The following IFT88 variants were observed in gnomAD, a reference collection of about 807,000 sequenced individuals.
The protein encoded by IFT88 is intraflagellar transport protein 88 homolog.
In IFT88, 74 loss-of-function variants were observed where a neutral mutation model predicts 119.5. The observed-to-expected ratio is 0.62, with a 90% CI of 0.51 to 0.75. The LOEUF is 0.75. IFT88 is among the 30% of genes least tolerant of loss of function. IFT88 has a pLI of 0.00. For synonymous variants in IFT88, 279 were observed against 316.7 expected, an observed-to-expected ratio of 0.88 and a Z score of 1.26; for missense variants, 961 against 977.7, an observed-to-expected ratio of 0.98 and a Z score of 0.23.
chr13:20,631,807 T>C (rs1290080023), intron 16 of IFT88: 1 of 152,096 alleles, frequency 6.6e-6, no homozygotes, highest in East Asian at 1.9e-4. Flanking sequence ...GTCATTTCTT[T>C]TCACCAGAAA....
At chr13:20,639,786 CTTT>C (rs34190452) in intron 17 of IFT88, among the ~76,000 whole-genome samples, 1,107 of 109,370 alleles carry the variant, frequency 0.01, 10 homozygotes, top group African/African-American at 0.035. Context: ...TAAAATTTGT[CTTT>C]TTTTTTTTTT....
intron 19 of IFT88, among the ~76,000 whole-genome samples, chr13:20,643,911 G>A (rs546728812): frequency 2.2e-4 from 34 of 152,068 alleles, no homozygotes; most frequent in African/African-American, 5.8e-4. Context: ...CTGCCACCAC[G>A]TGCAGCTAAT....
At chr13:20,623,229 T>C (rs1350783682) in intron 14 of IFT88, among the ~76,000 whole-genome samples, 1 of 152,226 alleles carries the variant, frequency 6.6e-6, no homozygotes, top group Non-Finnish European at 1.5e-5. Context: ...TGTAATTACT[T>C]TGAAATCAGA....
At chr13:20,678,049 G>T (rs538324994) in intron 24 of IFT88, among the ~76,000 whole-genome samples, 4 of 152,290 alleles carry the variant, frequency 2.6e-5, no homozygotes, top group Admixed American at 6.5e-5. Flanking sequence ...ACTACAGAGG[G>T]CCATTAGATT....
chr13:20,607,726 G>T, intron 13 of IFT88: 2 of 758,834 alleles, frequency 2.6e-6, no homozygotes, highest in South Asian at 1.4e-5. Flanking sequence ...CCTGCTTCTG[G>T]CTGTCAGCGG....
At chr13:20,576,957 T>C (rs1357773086) in intron 2 of IFT88, among the ~76,000 whole-genome samples, 1 of 152,210 alleles carries the variant, frequency 6.6e-6, no homozygotes, top group Non-Finnish European at 1.5e-5. Context: ...CTTTGGGTAG[T>C]ATGGACATTT....
chr13:20,666,211 A>G (rs1279028531), intron 23 of IFT88, among the ~76,000 whole-genome samples: 1 of 152,196 alleles, frequency 6.6e-6, no homozygotes, highest in African/African-American at 2.4e-5. Context: ...CTTCATTCTT[A>G]TCAGCTGTAA....
At chr13:20,608,149 C>T (rs2043834301) in intron 13 of IFT88, 2 of 431,222 alleles carry the variant, frequency 4.6e-6, no homozygotes, top group Non-Finnish European at 9.2e-6. Flanking sequence ...ACCACTATGA[C>T]TTGTAGAGTC....
At chr13:20,624,992 A>T (rs2047085747) in intron 14 of IFT88, among the ~76,000 whole-genome samples, 2 of 152,184 alleles carry the variant, frequency 1.3e-5, no homozygotes, top group African/African-American at 2.4e-5. Context: ...TCTTCAACTT[A>T]TTCCTTCGTC....
intron 1 of IFT88, among the ~76,000 whole-genome samples, chr13:20,570,356 C>G (rs1192651778): frequency 1.3e-5 from 2 of 152,144 alleles, no homozygotes; most frequent in African/African-American, 4.8e-5. Context: ...TATGATCCAG[C>G]AATTCCTTTA....
chr13:20,684,863 G>A (rs2141240091), intron 24 of IFT88, among the ~76,000 whole-genome samples: 1 of 152,332 alleles, frequency 6.6e-6, no homozygotes, highest in Middle Eastern at 3.4e-3. Flanking sequence ...GTCGCTTCGG[G>A]GCGACCCTTC....
intron 22 of IFT88, among the ~76,000 whole-genome samples, chr13:20,662,068 T>C (rs2053901126): frequency 6.6e-6 from 1 of 152,106 alleles, no homozygotes; most frequent in Non-Finnish European, 1.5e-5. Context: ...GGAGATGTAT[T>C]TGAAAGATAT....
intron 24 of IFT88, among the ~76,000 whole-genome samples, chr13:20,689,019 TGCCTCCCAGGCTCAA>T (rs1169167209): frequency 6.6e-6 from 1 of 152,238 alleles, no homozygotes; most frequent in Non-Finnish European, 1.5e-5. Flanking sequence ...CTGTAGCCTC[TGCCTCCCAGGCTCAA>T]GCAATTCTTC....
intron 14 of IFT88, among the ~76,000 whole-genome samples, chr13:20,619,795 G>A (rs1406915025): frequency 2.0e-5 from 3 of 151,846 alleles, no homozygotes; most frequent in Non-Finnish European, 2.9e-5. Flanking sequence ...AATAGATACC[G>A]CTAAACAGTT....
intron 2 of IFT88, among the ~76,000 whole-genome samples, chr13:20,580,775 G>T (rs1156944979): frequency 6.7e-6 from 1 of 148,522 alleles, no homozygotes; most frequent in Non-Finnish European, 1.5e-5. Flanking sequence ...GCCCAGGGTG[G>T]AGTGCATTGG....
In IFT88 at chr13:20,638,454, C is replaced by T. The variant is rs765120644; in HGVS notation, c.1509C>T (p.Ala503=). The change falls in exon 17 of 26, where the codon GCC becomes GCT. Residue 503 remains alanine, a synonymous_variant. Transcript: ENST00000351808. ...TVFANGDYEK[A]AEFYKEALRN... is the part of the protein sequence containing the mutation. Reference sequence around the variant, plus strand: ...TTGCAAATGGTGATTATGAGAAGGCCGCTGAATTCTATAAAGAGGCTCTAA... The same window carrying T: ...TTGCAAATGGTGATTATGAGAAGGCTGCTGAATTCTATAAAGAGGCTCTAA... The T allele has an allele frequency of 9.2e-6, 14 of 1,525,272 alleles. No individual in the cohort carries two copies. Among genetic ancestry groups the T allele is most frequent in the African/African-American group, 7.1e-5 (5 of 70,370 alleles). 94.5% of individuals were successfully genotyped at this position (1,525,272 alleles called of 1,614,324 possible).
At chr13:20,625,220 T>G (rs555793606) in intron 14 of IFT88, among the ~76,000 whole-genome samples, 3 of 152,324 alleles carry the variant, frequency 2.0e-5, no homozygotes, top group African/African-American at 7.2e-5. Flanking sequence ...GATCTTCCAT[T>G]TTCCTATCTA....
At chr13:20,599,899 A>G (rs2042322104) in intron 11 of IFT88, among the ~76,000 whole-genome samples, 2 of 152,186 alleles carry the variant, frequency 1.3e-5, no homozygotes. Context: ...AAGGCTAGAA[A>G]TTAAGCTCCC....
At chr13:20,621,143 G>T (rs532067209) in intron 14 of IFT88, among the ~76,000 whole-genome samples, 1 of 152,118 alleles carries the variant, frequency 6.6e-6, no homozygotes, top group South Asian at 2.1e-4. Flanking sequence ...TCTGCTCACC[G>T]CAACCTCCAC....
Sources: gnomAD v4.1 joint callset for allele counts (sites outside exome capture counted in the v4.1 genomes callset) on GRCh38, gnomAD v4.1.1 for gene constraint, MANE v1.5 for transcripts, NCBI Gene and HGNC (gene_info 2026-07-23, HGNC 2026-07-21) for gene names.